TAF5: variants seen among roughly 807,000 people sequenced by gnomAD.
TAF5 encodes the protein TATA-box binding protein associated factor 5, also known as transcription initiation factor TFIID subunit 5.
In TAF5, 20 loss-of-function variants were observed where a neutral mutation model predicts 80.9. That is an observed-to-expected ratio of 0.25 (90% CI 0.17 to 0.36). The LOEUF (loss-of-function observed/expected upper bound fraction) is 0.36, where lower values mean the gene tolerates loss of function less well. TAF5 is among the 10% of genes least tolerant of loss of function. The probability of loss-of-function intolerance (pLI) is 1.00; values close to 1 mark genes in which losing one functional copy is unlikely to be tolerated. For missense variants in TAF5, 863 were observed against 1,029.4 expected (o/e 0.84, Z 2.21); for synonymous variants, 388 against 406.4 (o/e 0.95, Z 0.55).
At position 103,374,198 on chromosome 10, in the gene TAF5, A is replaced by G. The variant is rs2093365585; in HGVS notation, c.797+603A>G. Among the ~76,000 whole-genome samples, 3 of 152,200 alleles carry G rather than the reference A, an allele frequency of 2.0e-5. No homozygotes were observed. The highest frequency in any genetic ancestry group is 1.3e-4 in the Admixed American group (2 of 15,276). On this transcript the variant is annotated intron_variant, in intron 2 of 10. Transcript: ENST00000369839. The surrounding 1 kb of genome is among the most constrained non-coding windows in gnomAD (Gnocchi z 4.3). The stretch of plus-strand genomic sequence containing the variant: ...TTTATTTTTGCCTTTATCTTAAGAA[A>G]ACTAGGAAGCAGTGTTAGGATTCGA...
intron 1 of TAF5, among the ~76,000 whole-genome samples, chr10:103,370,215 G>A (rs752697237): frequency 1.3e-5 from 2 of 150,464 alleles, no homozygotes; most frequent in Non-Finnish European, 2.9e-5. Context: ...CTGGGTGATA[G>A]AACGAGACTC....
In TAF5 at chr10:103,388,086, A is replaced by C; in HGVS notation, c.2266A>C (p.Thr756Pro). The C allele has an allele frequency of 1.2e-6, 2 of 1,614,142 alleles. No homozygotes were observed. The highest frequency in any genetic ancestry group is 1.7e-6 in the Non-Finnish European group (2 of 1,179,994). ...AGAGACCGATGACTTTACTACAGCC[A>C]CTGGGCATATAAATTTACCTGAGAA... ...DLETDDFTTATGHINLPENSQ... is the reference protein window; with the variant it reads ...DLETDDFTTAPGHINLPENSQ... The change falls in exon 11 of 11, where the codon ACT (threonine) becomes CCT (proline). Residue 756 changes from threonine (T) to proline (P), a missense_variant. Thr to Pro is a conservative substitution (Grantham distance 38). Around this residue, in one of 3 missense-constraint regions of TAF5, gnomAD observed 368 missense variants for 461.7 expected, o/e 0.80. Transcript: ENST00000369839.
rs762393166 is a variant in TAF5 at position 103,368,406 on chromosome 10, C to T, written c.417C>T (p.Ala139=). Reference sequence around the variant, plus strand: ...GAGCCCCGGGAGAGGTGGACAGCGCCGGCGCTGAGGTGACCAGCGCGCTTC... The same window carrying T: ...GAGCCCCGGGAGAGGTGGACAGCGCTGGCGCTGAGGTGACCAGCGCGCTTC... ...GSGAPGEVDS[A]GAEVTSALLS... The change falls in exon 1 of 11, where the codon GCC becomes GCT. Residue 139 remains alanine, a synonymous_variant. Coordinates refer to ENST00000369839, the MANE Select transcript of TAF5 (RefSeq NM_006951.5). 1.7e-5 allele frequency: 26 copies of T among 1,568,296 alleles called. No homozygotes were observed. Among genetic ancestry groups the T allele is most frequent in the Admixed American group, 1.8e-5 (1 of 54,388 alleles).
chr10:103,387,335 A>G lies in TAF5; in HGVS notation c.1990A>G (p.Ile664Val), dbSNP rs1279716886. The G allele has an allele frequency of 3.1e-6, 5 of 1,613,400 alleles. No individual in the cohort carries two copies. In the African/African-American group the frequency reaches 4.0e-5, roughly 13 times the overall value. Reference sequence around the variant, plus strand: ...CGTCCTGAATGGTAACTGTGTAAGGATCTTCACTGGACACAAGGTATTTTA... The same window carrying G: ...CGTCCTGAATGGTAACTGTGTAAGGGTCTTCACTGGACACAAGGTATTTTA... ...WDVLNGNCVR[I>V]FTGHKGPIHS... The change falls in exon 9 of 11, where the codon ATC becomes GTC. Residue 664 changes from isoleucine (I) to valine (V), a missense_variant. Physicochemically the swap from Ile to Val is conservative, Grantham distance 29. Around this residue, in one of 3 missense-constraint regions of TAF5, gnomAD observed 368 missense variants for 461.7 expected, o/e 0.80. Coordinates refer to ENST00000369839, the MANE Select transcript of TAF5 (RefSeq NM_006951.5).
Position 103,388,665 on chromosome 10 carries a change from C to CTTTT in TAF5, c.*443_*444insTTTT. 6.4e-6 allele frequency: 1 copy of CTTTT among 155,718 alleles called. No individual in the cohort carries two copies. Among genetic ancestry groups the CTTTT allele is most frequent in the South Asian group, 2.0e-4 (1 of 5,090 alleles). The allele number at this position is 155,718 out of a possible 1,614,324, so 9.6% of individuals were successfully genotyped here. ...GTAGTTACTGTATGGCACTCAAAAA[C>CTTTT]TATGTTAAATGATCCACTAACTTTT... On this transcript the variant is annotated 3_prime_UTR_variant, in exon 11 of 11. Transcript: ENST00000369839.
At chr10:103,386,433 G>A (rs946215269) in intron 8 of TAF5, among the ~76,000 whole-genome samples, 2 of 152,170 alleles carry the variant, frequency 1.3e-5, no homozygotes, top group African/African-American at 4.8e-5. Flanking sequence ...GAGTGAGACT[G>A]TCTCAAAACA....
At position 103,373,613 on chromosome 10, in the gene TAF5, T is replaced by C. The variant is rs770850168; in HGVS notation, c.797+18T>C. 5.0e-6 allele frequency: 7 copies of C among 1,388,340 alleles called. No individual in the cohort carries two copies. Among genetic ancestry groups the C allele is most frequent in the South Asian group, 3.7e-5 (3 of 81,176 alleles). The allele number at this position is 1,388,340 out of a possible 1,614,324, so 86.0% of individuals were successfully genotyped here. ...TTTGAGAAGTATGTAAATTTTTACA[T>C]ATATATATATACACACATACGTAGT... is the stretch of plus-strand genomic sequence containing the variant. On this transcript the variant is annotated intron_variant, in intron 2 of 10. Coordinates refer to ENST00000369839, the MANE Select transcript of TAF5 (RefSeq NM_006951.5).
In TAF5 at chr10:103,379,876, T is replaced by A. The variant is rs1440376436; in HGVS notation, c.1278-8T>A. ...AAAGGTAATTTTGACTCTCTTTTTC[T>A]TTCACAGAATCCCTCTTCCTGAGTT... On this transcript the variant is annotated splice_polypyrimidine_tract_variant and splice_region_variant and intron_variant, in intron 4 of 10. Transcript: ENST00000369839. 2 of 1,608,766 alleles carry A rather than the reference T, an allele frequency of 1.2e-6. No individual in the cohort carries two copies. Among genetic ancestry groups the A allele is most frequent in the East Asian group, 4.5e-5 (2 of 44,864 alleles).
rs1401564154 is a variant in TAF5, at chr10:103,378,565, C to T, written c.1113+15C>T. ...ACAAATCAAAGGTATGGGAATGAACCTAAGAACTCTATAATGCAGATTATG... is the reference window on the plus strand; with the variant it reads ...ACAAATCAAAGGTATGGGAATGAACTTAAGAACTCTATAATGCAGATTATG... On this transcript the variant is annotated intron_variant, in intron 3 of 10. Coordinates refer to ENST00000369839, the MANE Select transcript of TAF5 (RefSeq NM_006951.5). This position sits in a 1 kb window ranked among gnomAD's most constrained non-coding sequence, Gnocchi z 4.1. The T allele has an allele frequency of 6.2e-7, 1 of 1,600,820 alleles. No homozygotes were observed. The highest frequency in any genetic ancestry group is 8.5e-7 in the Non-Finnish European group (1 of 1,173,076).
intron 2 of TAF5, among the ~76,000 whole-genome samples, chr10:103,375,659 G>A (rs572157288): frequency 8.5e-5 from 13 of 152,242 alleles, no homozygotes; most frequent in Non-Finnish European, 1.8e-4. Context: ...GTCAGTCAGT[G>A]GGCTAGGCCC....
intron 2 of TAF5, among the ~76,000 whole-genome samples, chr10:103,376,073 G>A (rs1242044955): frequency 6.6e-6 from 1 of 150,730 alleles, no homozygotes; most frequent in Non-Finnish European, 1.5e-5. Flanking sequence ...AAAAAAAGGA[G>A]GCCGTGCTTA....
rs112397177 is a variant in TAF5, at chr10:103,375,065, G to T, written c.797+1470G>T. On this transcript the variant is annotated intron_variant, in intron 2 of 10. Transcript: ENST00000369839. ...ACCTGGGAGATAGAGGTTGCAGTGA[G>T]CTGAGATTGCATCTCTGCACTCTAG... is the stretch of plus-strand genomic sequence containing the variant. Among the ~76,000 whole-genome samples, 792 of 147,492 alleles carry T rather than the reference G, an allele frequency of 5.4e-3. 7 individuals are homozygous for T. Among genetic ancestry groups the T allele is most frequent in the African/African-American group, 0.019 (754 of 40,254 alleles).
rs756242564 is a variant in TAF5, at chr10:103,388,011, A to G, written c.2191A>G (p.Met731Val). 2 of 1,613,566 alleles carry G rather than the reference A, an allele frequency of 1.2e-6. No homozygotes were observed. Among genetic ancestry groups the G allele is most frequent in the South Asian group, 1.1e-5 (1 of 90,962 alleles). The stretch of plus-strand genomic sequence containing the variant: ...TTCCTTTGACTTCCCCTTAGGTTCA[A>G]TGGATAATACAGTTCGATTATGGGA... ...RDGEILASGS[M>V]DNTVRLWDAI... Residue 731 changes from methionine (M) to valine (V), a missense_variant, in exon 11 of 11, where the codon ATG becomes GTG. Around this residue, in one of 3 missense-constraint regions of TAF5, gnomAD observed 368 missense variants for 461.7 expected, o/e 0.80. Transcript: ENST00000369839.
rs944929955 is a variant in TAF5 at position 103,368,162 on chromosome 10, G to A, written c.173G>A (p.Gly58Asp). The change falls in exon 1 of 11, where the codon GGC (glycine) becomes GAC (aspartate). Residue 58 changes from glycine to aspartate, a missense_variant. Coordinates refer to ENST00000369839, the MANE Select transcript of TAF5 (RefSeq NM_006951.5). The stretch of plus-strand genomic sequence containing the variant: ...AACGTTGCGGCGTCGTCGTCCACTG[G>A]CGGGGATGGCGGGACCCCCAAGCCC... ...GGNVAASSST[G>D]GDGGTPKPTV... 37 of 1,393,248 alleles carry A rather than the reference G, an allele frequency of 2.7e-5. No homozygotes were observed. The highest frequency in any genetic ancestry group is 1.7e-4 in the African/African-American group (11 of 65,816). The allele number at this position is 1,393,248 out of a possible 1,614,324, so 86.3% of individuals were successfully genotyped here. A position where few individuals can be genotyped will look rare whatever the true frequency, so the allele number is the denominator to read the frequency against.
Position 103,380,017 on chromosome 10 carries a change from C to T in TAF5, c.1411C>T (p.Gln471Ter). Residue 471 changes from glutamine (Q) to a stop codon, truncating the protein, a stop_gained and splice_region_variant, in exon 5 of 11, where the codon CAG (glutamine) becomes TAG (stop). Coordinates refer to ENST00000369839, the MANE Select transcript of TAF5 (RefSeq NM_006951.5). LOFTEE classifies it high-confidence loss of function. ...ICFYTFLNAY[Q>*]GLTAVDVTDD... ...TTTCTATACATTTCTCAATGCTTAC[C>T]AGGTTGGTAAAAAAATTGGGCGATT... The T allele has an allele frequency of 1.2e-6, 2 of 1,608,798 alleles. No homozygotes were observed. The highest frequency in any genetic ancestry group is 1.7e-6 in the Non-Finnish European group (2 of 1,178,264).
chr10:103,373,471 A>C lies in TAF5; in HGVS notation c.673A>C (p.Ile225Leu), dbSNP rs1371088141. ...EEYYSGLKHF[I>L]ECSLDCHRAE... ...ATACTATAGTGGACTGAAACACTTC[A>C]TTGAATGTTCCCTGGACTGCCATCG... The change falls in exon 2 of 11, where the codon ATT (isoleucine) becomes CTT (leucine). Residue 225 changes from isoleucine (I) to leucine (L), a missense_variant. Coordinates refer to ENST00000369839, the MANE Select transcript of TAF5 (RefSeq NM_006951.5). 2.5e-6 allele frequency: 4 copies of C among 1,614,102 alleles called. No individual in the cohort carries two copies. The highest frequency in any genetic ancestry group is 3.4e-6 in the Non-Finnish European group (4 of 1,180,042).
At chr10:103,384,532 G>A (rs951141443) in intron 7 of TAF5, among the ~76,000 whole-genome samples, 4 of 152,150 alleles carry the variant, frequency 2.6e-5, no homozygotes, top group Admixed American at 6.5e-5. Context: ...TTGGGAGGCC[G>A]AGGCAGGAAA....
At chr10:103,383,415 TTA>T in intron 7 of TAF5, 48 bp downstream of exon 7, 3 of 1,514,580 alleles carry the variant, frequency 2.0e-6, no homozygotes, top group Non-Finnish European at 2.6e-6. Flanking sequence ...TATATTGAAA[TTA>T]TATAAAAGTT....
chr10:103,385,500 C>A lies in TAF5; in HGVS notation c.1829+10C>A, dbSNP rs372481735. On this transcript the variant is annotated intron_variant, in intron 8 of 10. Coordinates refer to ENST00000369839, the MANE Select transcript of TAF5 (RefSeq NM_006951.5). ...ATGACCGAGTAGCTCGGTAAGAACA[C>A]TGTGATCTTATGACTGGGTCTATTC... 24 of 1,613,076 alleles carry A rather than the reference C, an allele frequency of 1.5e-5. No homozygotes were observed. Among genetic ancestry groups the A allele is most frequent in the Non-Finnish European group, 1.8e-5 (21 of 1,179,730 alleles).
Sources: allele counts gnomAD v4.1 joint callset (sites outside exome capture counted in the v4.1 genomes callset), GRCh38; gene constraint gnomAD v4.1.1; regional missense constraint gnomAD v4.1.1; non-coding constraint Gnocchi (gnomAD v3.1); transcripts MANE v1.5; gene names NCBI Gene and HGNC (gene_info 2026-07-23, HGNC 2026-07-21).